The following BPIFA3 variants were observed in gnomAD, a reference collection of about 807,000 sequenced individuals.
BPIFA3 encodes the protein BPI fold-containing family A member 3.
BPIFA3 carries 32 observed loss-of-function variants against 29.7 expected under a neutral mutation model. The ratio of observed to expected loss-of-function variants is 1.08; its 90% CI spans 0.81 to 1.45. The LOEUF is 1.45. Among genes scored for constraint, BPIFA3 ranks in the 40% most tolerant of loss-of-function variants. The pLI is 0.00. For missense variants in BPIFA3, 323 were observed against 311.3 expected (o/e 1.04, Z -0.28); for synonymous variants, 112 against 113.7 (o/e 0.98, Z 0.10).
At chr20:33,222,598 G>A (rs922339127) in intron 1 of BPIFA3, among the ~76,000 whole-genome samples, 2 of 131,648 alleles carry the variant, frequency 1.5e-5, no homozygotes, top group Non-Finnish European at 3.0e-5. Flanking sequence ...ATGGATGGAT[G>A]GATGGATGAG....
intron 1 of BPIFA3, among the ~76,000 whole-genome samples, chr20:33,221,400 G>A (rs1423460569): frequency 3.3e-5 from 5 of 152,158 alleles, no homozygotes; most frequent in East Asian, 3.8e-4. Context: ...CAGGTGATCC[G>A]CCCGCCTTGG....
chr20:33,221,246 C>G (rs1985497574), intron 1 of BPIFA3, among the ~76,000 whole-genome samples: 1 of 151,764 alleles, frequency 6.6e-6, no homozygotes, highest in Non-Finnish European at 1.5e-5. Flanking sequence ...ACCTCCCAGC[C>G]TGGGTTCAAA....
intron 1 of BPIFA3, among the ~76,000 whole-genome samples, chr20:33,219,490 G>GA (rs750315498): frequency 2.0e-5 from 3 of 152,038 alleles, no homozygotes; most frequent in East Asian, 3.8e-4. Flanking sequence ...ATTCTACTTT[G>GA]TTTTTTTCTA....
chr20:33,226,546 A>G, intron 5 of BPIFA3, 56 bp downstream of exon 5: 1 of 1,050,240 alleles, frequency 9.5e-7, no homozygotes, highest in South Asian at 1.4e-5. Context: ...GGGTTAGGGC[A>G]TATATCCACT....
Position 33,224,421 on chromosome 20 carries a change from C to G in BPIFA3, c.345C>G (p.Phe115Leu). The G allele has an allele frequency of 5.6e-6, 9 of 1,614,146 alleles. No homozygotes were observed. The highest frequency in any genetic ancestry group is 6.8e-6 in the Non-Finnish European group (8 of 1,179,970). ...AGATATCATTCCATAAGGAGTGGTT[C>G]TCGGCAAATATCTCACTTGAATTTG... is the stretch of plus-strand genomic sequence containing the variant. Reference protein sequence around the residue: ...GIQISFHKEWFSANISLEFDL... With the variant: ...GIQISFHKEWLSANISLEFDL... The change falls in exon 3 of 7, where the codon TTC becomes TTG. Residue 115 changes from phenylalanine to leucine, a missense_variant. Phe to Leu is a conservative substitution (Grantham distance 22). Coordinates refer to ENST00000375454, the MANE Select transcript of BPIFA3 (RefSeq NM_178466.5).
intron 6 of BPIFA3, 72 bp from the exon 7 acceptor site, chr20:33,227,466 G>A (rs1476196703): frequency 7.8e-7 from 1 of 1,287,246 alleles, no homozygotes; most frequent in Non-Finnish European, 1.1e-6. Context: ...ATGGATGGAT[G>A]AGGGTTTCCC....
chr20:33,220,111 A>AAAT (rs1375900356), intron 1 of BPIFA3, among the ~76,000 whole-genome samples: 2 of 150,012 alleles, frequency 1.3e-5, no homozygotes, highest in African/African-American at 4.9e-5. Flanking sequence ...AAAAAAAAAA[A>AAAT]AATCAGGGCG....
At chr20:33,220,701 T>C (rs996068571) in intron 1 of BPIFA3, among the ~76,000 whole-genome samples, 2 of 152,260 alleles carry the variant, frequency 1.3e-5, no homozygotes, top group Non-Finnish European at 2.9e-5. Context: ...TCTTCTGATA[T>C]TCAAAAGCCT....
intron 4 of BPIFA3, chr20:33,225,508 T>C (rs1330141175): frequency 2.1e-6 from 1 of 480,538 alleles, no homozygotes; most frequent in Non-Finnish European, 3.8e-6. Flanking sequence ...TTCTCTCTTT[T>C]ATCTCCATCT....
intron 1 of BPIFA3, among the ~76,000 whole-genome samples, chr20:33,222,402 C>G (rs980149795): frequency 2.0e-5 from 3 of 152,090 alleles, no homozygotes; most frequent in Admixed American, 1.3e-4. Context: ...AACTTTGAAC[C>G]CAAAAGAGTC....
intron 6 of BPIFA3, 100 bp downstream of exon 6, chr20:33,227,093 C>T (rs554296975): frequency 4.5e-5 from 44 of 986,316 alleles, no homozygotes; most frequent in African/African-American, 1.3e-4. Flanking sequence ...TGCTAAGGGG[C>T]GTCTGCATGT....
intron 6 of BPIFA3, 135 bp from the exon 7 acceptor site, chr20:33,227,403 T>A: frequency 1.4e-6 from 1 of 706,836 alleles, no homozygotes. Context: ...CAATTCAGCA[T>A]CATTTGGGGA....
chr20:33,225,749 T>C (rs573149289), intron 4 of BPIFA3: 1 of 163,764 alleles, frequency 6.1e-6, no homozygotes, highest in East Asian at 1.8e-4. Context: ...CCTGCCAACT[T>C]TTCAGCCCTT....
intron 5 of BPIFA3, 42 bp downstream of exon 5, chr20:33,226,532 C>T (rs1291306012): frequency 4.3e-6 from 6 of 1,382,536 alleles, no homozygotes; most frequent in South Asian, 1.2e-5. Flanking sequence ...ATCCTTGAGT[C>T]CGAGGGTTAG....
rs765554068 is a variant in BPIFA3 at position 33,227,636 on chromosome 20, A to G, written c.*19A>G. ...CAGCTGACTTCTGCTGATCAGAAGG[A>G]AAGTCCACATCTTGCAACCTTAAGT... On this transcript the variant is annotated 3_prime_UTR_variant, in exon 7 of 7. Transcript: ENST00000375454. 11 of 1,604,578 alleles carry G rather than the reference A, an allele frequency of 6.9e-6. No individual in the cohort carries two copies. Among genetic ancestry groups the G allele is most frequent in the Non-Finnish European group, 9.4e-6 (11 of 1,171,418 alleles).
chr20:33,220,642 T>C (rs1985468608), intron 1 of BPIFA3, among the ~76,000 whole-genome samples: 1 of 152,238 alleles, frequency 6.6e-6, no homozygotes, highest in South Asian at 2.1e-4. Flanking sequence ...TCTTCTATTA[T>C]ATTTTCTAGT....
intron 1 of BPIFA3, among the ~76,000 whole-genome samples, chr20:33,221,279 C>T (rs1048901768): frequency 6.6e-5 from 10 of 152,024 alleles, no homozygotes; most frequent in African/African-American, 1.9e-4. Flanking sequence ...CTCAGCCTCC[C>T]GAGTAGCTGG....
Position 33,227,070 on chromosome 20 carries a change from C to A in BPIFA3, c.685+77C>A, listed in dbSNP as rs1316345561. On this transcript the variant is annotated intron_variant, in intron 6 of 6. Coordinates refer to ENST00000375454, the MANE Select transcript of BPIFA3 (RefSeq NM_178466.5). Reference sequence around the variant, plus strand: ...AAAGAGGTACCCCCGGCCCTGGAGCCCCCAGGGAGGCCTGCTAAGGGGCGT... The same window carrying A: ...AAAGAGGTACCCCCGGCCCTGGAGCACCCAGGGAGGCCTGCTAAGGGGCGT... 12 of 1,361,768 alleles carry A rather than the reference C, an allele frequency of 8.8e-6. No homozygotes were observed. In the East Asian group the frequency reaches 2.5e-4, roughly 29 times the overall value. 84.4% of individuals were successfully genotyped at this position (1,361,768 alleles called of 1,614,324 possible). A position where few individuals can be genotyped will look rare whatever the true frequency, so the allele number is the denominator to read the frequency against.
upstream of BPIFA3, chr20:33,217,330 G>C (rs1985298902): frequency 3.7e-6 from 2 of 538,038 alleles, no homozygotes; most frequent in Non-Finnish European, 6.2e-6. Context: ...CCTCCTCCCA[G>C]GGTTCCACAT....
Sources: allele counts gnomAD v4.1 joint callset (sites outside exome capture counted in the v4.1 genomes callset), GRCh38; gene constraint gnomAD v4.1.1; transcripts MANE v1.5; gene names NCBI Gene and HGNC (gene_info 2026-07-23, HGNC 2026-07-21).